Variants in BACH2 observed in about 807,000 individuals in gnomAD.
BACH2 encodes BACH transcriptional regulator 2.
BACH2 carries 5 observed loss-of-function variants against 61.8 expected under a neutral mutation model. That is an observed-to-expected ratio of 0.08 (90% CI 0.04 to 0.17). BACH2 has a LOEUF of 0.17. Ranked by LOEUF, BACH2 falls within the 10% of genes least tolerant of loss-of-function variation. The pLI, the probability that BACH2 is intolerant of heterozygous loss-of-function variation, is 1.00. For missense variants in BACH2, 824 were observed against 1,091.1 expected (o/e 0.76, Z 3.45); for synonymous variants, 446 against 440.1 (o/e 1.01, Z -0.17).
chr6:90,154,476 A>G (rs1784925633), intron 4 of BACH2, among the ~76,000 whole-genome samples: 1 of 152,226 alleles, frequency 6.6e-6, no homozygotes, highest in African/African-American at 2.4e-5. Context: ...TAGAAGGAGT[A>G]GGTGACTTTC....
At chr6:90,032,795 G>A (rs1779063885) in intron 5 of BACH2, among the ~76,000 whole-genome samples, 1 of 152,214 alleles carries the variant, frequency 6.6e-6, no homozygotes. Flanking sequence ...GGAAGTCAGT[G>A]TGGCGATTCC....
chr6:90,123,518 C>G (rs1385789034), intron 4 of BACH2, among the ~76,000 whole-genome samples: 4 of 151,336 alleles, frequency 2.6e-5, no homozygotes, highest in Admixed American at 6.6e-5. Flanking sequence ...CGCCTGTAAT[C>G]CCAGCACTTT....
chr6:90,023,251 G>A (rs1475927209), intron 5 of BACH2, among the ~76,000 whole-genome samples: 1 of 152,140 alleles, frequency 6.6e-6, no homozygotes, highest in Non-Finnish European at 1.5e-5. Context: ...TGTAATCCCC[G>A]ATGCTGGAGG....
At chr6:90,066,218 A>G (rs1780956726) in intron 5 of BACH2, among the ~76,000 whole-genome samples, 1 of 152,172 alleles carries the variant, frequency 6.6e-6, no homozygotes, top group Non-Finnish European at 1.5e-5. Flanking sequence ...AAGAGCATCT[A>G]TGTGGAAAAA....
chr6:90,045,609 G>A (rs748433601), intron 5 of BACH2, among the ~76,000 whole-genome samples: 35 of 152,256 alleles, frequency 2.3e-4, no homozygotes, highest in Non-Finnish European at 4.7e-4. Context: ...GGGTAGTTAA[G>A]CTGTATTTCT....
At chr6:90,058,079 T>G (rs989499866) in intron 5 of BACH2, among the ~76,000 whole-genome samples, 1 of 152,054 alleles carries the variant, frequency 6.6e-6, no homozygotes, top group Non-Finnish European at 1.5e-5. Context: ...GGGATGCCCG[T>G]TCTCACCACT....
chr6:90,014,466 ATATTTTTTTTT>A (rs1777937396), intron 5 of BACH2, among the ~76,000 whole-genome samples: 5 of 50,956 alleles, frequency 9.8e-5, no homozygotes, highest in Non-Finnish European at 1.3e-4. Flanking sequence ...ATATATATAT[ATATTTTTTTTT>A]TTTTTTTTTT....
At chr6:90,090,093 T>C (rs2127807877) in intron 4 of BACH2, among the ~76,000 whole-genome samples, 1 of 152,290 alleles carries the variant, frequency 6.6e-6, no homozygotes, top group East Asian at 1.9e-4. Flanking sequence ...AAGTATTGCT[T>C]CTACTTTTTC....
In BACH2 at chr6:89,928,015, A is replaced by G. The variant is rs1406741358; in HGVS notation, c.*4393T>C. The G allele has an allele frequency of 6.6e-6, 1 of 152,380 alleles. No homozygotes were observed. The highest frequency in any genetic ancestry group is 2.4e-5 in the African/African-American group (1 of 41,460). The allele number at this position is 152,380 out of a possible 1,614,324, so 9.4% of individuals were successfully genotyped here. Reference sequence around the variant, plus strand: ...TCCTGTATGAATACCAACTCCACACAGGGCATTGTATTGTGGACTGACTCA... The same window carrying G: ...TCCTGTATGAATACCAACTCCACACGGGGCATTGTATTGTGGACTGACTCA... On this transcript the variant is annotated 3_prime_UTR_variant, in exon 9 of 9. Transcript: ENST00000257749.
intron 4 of BACH2, among the ~76,000 whole-genome samples, chr6:90,172,383 C>A (rs968807928): frequency 1.1e-4 from 16 of 148,618 alleles, no homozygotes; most frequent in African/African-American, 4.0e-4. Context: ...ATGTAAAGGG[C>A]AGAATGTGAA....
intron 4 of BACH2, among the ~76,000 whole-genome samples, chr6:90,118,954 G>C (rs1008120789): frequency 6.6e-6 from 1 of 152,094 alleles, no homozygotes; most frequent in African/African-American, 2.4e-5. Flanking sequence ...TACTTACCAA[G>C]TAAGATTTTT....
chr6:90,072,398 T>C (rs1396792362), intron 5 of BACH2, among the ~76,000 whole-genome samples: 1 of 152,186 alleles, frequency 6.6e-6, no homozygotes. Context: ...TATGAGCTGA[T>C]CTGTTTTTCC....
intron 4 of BACH2, among the ~76,000 whole-genome samples, chr6:90,202,919 T>C (rs1485295726): frequency 2.0e-5 from 3 of 152,318 alleles, no homozygotes; most frequent in South Asian, 2.1e-4. Context: ...TCCTGTTCAA[T>C]TGGCTTCCCA....
At chr6:90,240,964 T>G (rs1225093474) in intron 3 of BACH2, among the ~76,000 whole-genome samples, 1 of 151,872 alleles carries the variant, frequency 6.6e-6, no homozygotes, top group African/African-American at 2.4e-5. Flanking sequence ...AATTAAGAGT[T>G]GACTAAAAGT....
intron 3 of BACH2, among the ~76,000 whole-genome samples, chr6:90,225,528 A>G (rs1269052721): frequency 1.3e-5 from 2 of 152,098 alleles, no homozygotes; most frequent in African/African-American, 2.4e-5. Context: ...TCAGGCAAAC[A>G]CCACATGTTC....
intron 3 of BACH2, among the ~76,000 whole-genome samples, chr6:90,232,968 T>G (rs1045486919): frequency 2.0e-5 from 3 of 152,202 alleles, no homozygotes; most frequent in Non-Finnish European, 4.4e-5. Flanking sequence ...ATTCAACAGA[T>G]AGCCTTCATT....
chr6:90,234,318 C>A (rs1770193588), intron 3 of BACH2, among the ~76,000 whole-genome samples: 1 of 152,202 alleles, frequency 6.6e-6, no homozygotes, highest in African/African-American at 2.4e-5. Context: ...AAAGTATAAG[C>A]CACTTTCCAG....
At chr6:90,055,579 T>C (rs1780296443) in intron 5 of BACH2, among the ~76,000 whole-genome samples, 1 of 150,984 alleles carries the variant, frequency 6.6e-6, no homozygotes, top group South Asian at 2.1e-4. Flanking sequence ...ACTTCCCCAA[T>C]GTAGCAAGGC....
chr6:90,246,196 G>C (rs906230725), intron 3 of BACH2, among the ~76,000 whole-genome samples: 1 of 152,120 alleles, frequency 6.6e-6, no homozygotes, highest in African/African-American at 2.4e-5. Context: ...CTGTTTTTCT[G>C]TGCCTCTACT....
Sources: gnomAD v4.1 joint callset for allele counts (sites outside exome capture counted in the v4.1 genomes callset) on GRCh38, gnomAD v4.1.1 for gene constraint, MANE v1.5 for transcripts, NCBI Gene and HGNC (gene_info 2026-07-23, HGNC 2026-07-21) for gene names.